The following PTPRD variants were observed in gnomAD, a reference collection of about 807,000 sequenced individuals.
PTPRD encodes the protein receptor-type tyrosine-protein phosphatase delta.
A neutral mutation model predicts 214.5 loss-of-function variants in PTPRD; 34 were observed. That is an observed-to-expected ratio of 0.16 (90% CI 0.12 to 0.21). The LOEUF is 0.21. PTPRD is among the 10% of genes least tolerant of loss of function. The probability of loss-of-function intolerance (pLI) is 1.00; values close to 1 mark genes in which losing one functional copy is unlikely to be tolerated. For synonymous variants in PTPRD, 1,128 were observed against 845.7 expected (o/e 1.33, Z -5.79); for missense variants, 2,545 against 2,398.7 (o/e 1.06, Z -1.27).
intron 2 of PTPRD, among the ~76,000 whole-genome samples, chr9:10,397,754 G>C (rs184148283): frequency 6.6e-6 from 1 of 151,980 alleles, no homozygotes; most frequent in African/African-American, 2.4e-5. Flanking sequence ...CCTACAAGTG[G>C]TGGGAAGAAA....
At chr9:10,442,350 C>T (rs541608206) in intron 2 of PTPRD, among the ~76,000 whole-genome samples, 2 of 151,744 alleles carry the variant, frequency 1.3e-5, no homozygotes, top group East Asian at 1.9e-4. Flanking sequence ...GTAGCACTTG[C>T]TAATTTACTT....
At chr9:8,833,655 C>T (rs973001127) in intron 11 of PTPRD, among the ~76,000 whole-genome samples, 2 of 150,144 alleles carry the variant, frequency 1.3e-5, no homozygotes, top group Non-Finnish European at 3.0e-5. Context: ...AGGCACCATT[C>T]ACAACATTAT....
intron 3 of PTPRD, among the ~76,000 whole-genome samples, chr9:10,216,694 C>A (rs983921397): frequency 6.6e-6 from 1 of 151,994 alleles, no homozygotes; most frequent in African/African-American, 2.4e-5. Flanking sequence ...CACAATAGAG[C>A]TCTCTTGAAT....
At chr9:9,439,500 G>C (rs2086663239) in intron 8 of PTPRD, among the ~76,000 whole-genome samples, 2 of 152,156 alleles carry the variant, frequency 1.3e-5, no homozygotes, top group Admixed American at 6.5e-5. Context: ...GCTGCAAGGA[G>C]ACTACCGGAA....
intron 12 of PTPRD, among the ~76,000 whole-genome samples, chr9:8,695,846 G>A (rs1565349403): frequency 6.6e-6 from 1 of 152,160 alleles, no homozygotes; most frequent in Non-Finnish European, 1.5e-5. Flanking sequence ...TTCTTAAGTT[G>A]GAAATTACTG....
intron 14 of PTPRD, among the ~76,000 whole-genome samples, chr9:8,623,977 G>A (rs149573778): frequency 2.6e-3 from 395 of 151,946 alleles, no homozygotes; most frequent in Non-Finnish European, 4.0e-3. Context: ...AAATTCTTCT[G>A]CTTCTTCTAA....
intron 5 of PTPRD, among the ~76,000 whole-genome samples, chr9:9,885,004 A>G (rs538885045): frequency 6.6e-6 from 1 of 152,216 alleles, no homozygotes; most frequent in East Asian, 1.9e-4. Flanking sequence ...AAGCAAAGAA[A>G]ACGTTATTGG....
chr9:9,466,371 G>C (rs183846749), intron 8 of PTPRD, among the ~76,000 whole-genome samples: 186 of 152,250 alleles, frequency 1.2e-3, no homozygotes, highest in African/African-American at 4.4e-3. Context: ...CAGTGTTCTA[G>C]ATGAAGTTGC....
chr9:9,565,519 A>G (rs1400123744), intron 8 of PTPRD, among the ~76,000 whole-genome samples: 1 of 151,834 alleles, frequency 6.6e-6, no homozygotes, highest in Non-Finnish European at 1.5e-5. Flanking sequence ...CTGAAGAATA[A>G]TTTTTCCTTT....
intron 8 of PTPRD, among the ~76,000 whole-genome samples, chr9:9,558,076 G>A (rs529750071): frequency 4.4e-4 from 67 of 152,138 alleles, no homozygotes; most frequent in Non-Finnish European, 8.8e-4. Flanking sequence ...AAGCTGAGCT[G>A]TGACCTGGCT....
rs144428939 is a variant in PTPRD, at chr9:10,606,692, T to C, written c.-600+5706A>G. Among the ~76,000 whole-genome samples the C allele has an allele frequency of 1.3e-3, 204 of 151,970 alleles. 1 individual carries two copies. Among genetic ancestry groups the C allele is most frequent in the African/African-American group, 4.6e-3 (189 of 41,502 alleles). On this transcript the variant is annotated intron_variant, in intron 2 of 45. Transcript: ENST00000381196. ...ATTTAACCAGACAAGGGAATGGAAG[T>C]ATTCCTATGATACGTATGTCATGTT...
At chr9:9,118,560 A>T (rs2099814511) in intron 10 of PTPRD, among the ~76,000 whole-genome samples, 1 of 152,214 alleles carries the variant, frequency 6.6e-6, no homozygotes, top group Admixed American at 6.5e-5. Flanking sequence ...TAATGGAAAC[A>T]GACTGGAATC....
At chr9:8,534,199 C>G (rs1397323025) in intron 14 of PTPRD, among the ~76,000 whole-genome samples, 2 of 151,892 alleles carry the variant, frequency 1.3e-5, no homozygotes, top group Non-Finnish European at 2.9e-5. Flanking sequence ...GAGGCTTTCC[C>G]TCATATATTG....
intron 3 of PTPRD, among the ~76,000 whole-genome samples, chr9:10,108,487 G>C (rs141054609): frequency 2.0e-5 from 3 of 151,366 alleles, no homozygotes; most frequent in Non-Finnish European, 2.9e-5. Flanking sequence ...CCCCATCCCA[G>C]CTTCTGGTAC....
intron 11 of PTPRD, among the ~76,000 whole-genome samples, chr9:8,905,311 T>C (rs2098699942): frequency 6.6e-6 from 1 of 152,100 alleles, no homozygotes; most frequent in African/African-American, 2.4e-5. Context: ...TCCCTTGGCC[T>C]TCTTCCCGTA....
rs551875938 is a variant in PTPRD at position 9,776,388 on chromosome 9, A to G, written c.-367-9537T>C. Among the ~76,000 whole-genome samples the G allele has an allele frequency of 2.6e-5, 4 of 152,228 alleles. No individual in the cohort carries two copies. The South Asian group carries it at 8.3e-4, about 32-fold the overall frequency. On this transcript the variant is annotated intron_variant, in intron 5 of 45. Transcript: ENST00000381196. ...CTCGTGTGCCATAACCCTTTCCTGCAATTGTTGCTTTACTGATCTGTATCT... is the reference window on the plus strand; with the variant it reads ...CTCGTGTGCCATAACCCTTTCCTGCGATTGTTGCTTTACTGATCTGTATCT...
intron 7 of PTPRD, among the ~76,000 whole-genome samples, chr9:9,652,243 C>A (rs1387611367): frequency 6.6e-6 from 1 of 152,118 alleles, no homozygotes. Context: ...TGGCTGATGC[C>A]TTTTGTTCTC....
intron 36 of PTPRD, among the ~76,000 whole-genome samples, chr9:8,398,140 A>G (rs2091628941): frequency 6.6e-6 from 1 of 152,194 alleles, no homozygotes; most frequent in African/African-American, 2.4e-5. Context: ...TGTAGTAGTA[A>G]TAAAATGCAT....
At chr9:8,585,873 T>C (rs746871168) in intron 14 of PTPRD, among the ~76,000 whole-genome samples, 12 of 152,236 alleles carry the variant, frequency 7.9e-5, no homozygotes, top group Non-Finnish European at 1.5e-4. Flanking sequence ...AACATTGTTA[T>C]GGAGTCAGTC....
Sources: allele counts gnomAD v4.1 joint callset (sites outside exome capture counted in the v4.1 genomes callset), GRCh38; gene constraint gnomAD v4.1.1; transcripts MANE v1.5; gene names NCBI Gene and HGNC (gene_info 2026-07-23, HGNC 2026-07-21).